Variants in NCAM1 observed in about 807,000 individuals in gnomAD.
The protein encoded by NCAM1 is antigen recognized by monoclonal antibody 5.1H11.
Under a neutral mutation model 109.8 loss-of-function variants are expected in NCAM1, and 14 were observed. That is an observed-to-expected ratio of 0.13 (90% CI 0.08 to 0.20). The LOEUF is 0.20. NCAM1 is among the 10% of genes least tolerant of loss of function. The pLI, the probability that NCAM1 is intolerant of heterozygous loss-of-function variation, is 1.00. For missense variants in NCAM1, 774 were observed against 1,109.9 expected, an observed-to-expected ratio of 0.70 and a Z score of 4.30; for synonymous variants, 418 against 442.9, an observed-to-expected ratio of 0.94 and a Z score of 0.70.
intron 1 of NCAM1, among the ~76,000 whole-genome samples, chr11:113,167,659 A>G (rs908607976): frequency 2.6e-5 from 4 of 152,094 alleles, no homozygotes; most frequent in Non-Finnish European, 2.9e-5. Context: ...AGAAGTCTGC[A>G]GAAGGCTCCC....
intron 1 of NCAM1, among the ~76,000 whole-genome samples, chr11:112,985,857 AGTTTAACTTCTTCCTTTCAGATTTGGAT>A (rs1320644104): frequency 2.0e-5 from 3 of 152,116 alleles, no homozygotes; most frequent in African/African-American, 7.2e-5. Flanking sequence ...AAATAGTAAC[AGTTTAACTTCTTCCTTTCAGATTTGGAT>A]GTCTTTTATT....
intron 1 of NCAM1, among the ~76,000 whole-genome samples, chr11:113,123,055 A>C (rs1941032837): frequency 6.6e-6 from 1 of 152,184 alleles, no homozygotes; most frequent in East Asian, 1.9e-4. Context: ...GAGGCAGGGA[A>C]GGGTGTGTGT....
At chr11:113,236,001 G>A (rs1031433207) in intron 14 of NCAM1, among the ~76,000 whole-genome samples, 24 of 152,062 alleles carry the variant, frequency 1.6e-4, no homozygotes, top group Non-Finnish European at 3.4e-4. Context: ...AGTTCCCTGG[G>A]CTCTCTGACC....
intron 1 of NCAM1, among the ~76,000 whole-genome samples, chr11:112,968,884 CTCA>C (rs1950797262): frequency 6.6e-6 from 1 of 152,160 alleles, no homozygotes; most frequent in Non-Finnish European, 1.5e-5. Flanking sequence ...AATTCCTTAA[CTCA>C]ACAAACCTTT....
chr11:113,107,617 A>T (rs573572486), intron 1 of NCAM1, among the ~76,000 whole-genome samples: 1 of 152,186 alleles, frequency 6.6e-6, no homozygotes, highest in African/African-American at 2.4e-5. Context: ...GAGAACCAAG[A>T]GAAAGGGGTT....
At chr11:113,048,042 A>G (rs1348753510) in intron 1 of NCAM1, among the ~76,000 whole-genome samples, 1 of 152,104 alleles carries the variant, frequency 6.6e-6, no homozygotes, top group African/African-American at 2.4e-5. Context: ...TCTGCTTGCA[A>G]TGAATCTCTC....
intron 1 of NCAM1, among the ~76,000 whole-genome samples, chr11:113,020,666 G>A (rs797026493): frequency 4.6e-5 from 7 of 152,098 alleles, no homozygotes; most frequent in Non-Finnish European, 8.8e-5. Context: ...TGATGAAACC[G>A]TTCTTAGAAT....
chr11:113,272,177 ATC>A (rs1946297431), intron 19 of NCAM1, among the ~76,000 whole-genome samples: 1 of 152,046 alleles, frequency 6.6e-6, no homozygotes, highest in Non-Finnish European at 1.5e-5. Context: ...AGGTGGCAAA[ATC>A]TCACTGAAAG....
At chr11:113,025,661 T>C (rs1555077082) in intron 1 of NCAM1, among the ~76,000 whole-genome samples, 1 of 150,240 alleles carries the variant, frequency 6.7e-6, no homozygotes, top group Non-Finnish European at 1.5e-5. Flanking sequence ...GAGGCTGCAG[T>C]GAGCCAAGAT....
At chr11:113,207,009 A>G (rs1944257661) in intron 5 of NCAM1, among the ~76,000 whole-genome samples, 1 of 152,268 alleles carries the variant, frequency 6.6e-6, no homozygotes, top group African/African-American at 2.4e-5. Context: ...CCATCTTAAC[A>G]TGCATAAAAT....
intron 9 of NCAM1, chr11:113,221,998 A>G (rs1944706136): frequency 6.6e-6 from 1 of 152,210 alleles, no homozygotes; most frequent in African/African-American, 2.4e-5. Context: ...ATAATGTGGG[A>G]CTTAGTTTGA....
intron 1 of NCAM1, among the ~76,000 whole-genome samples, chr11:113,044,234 A>G (rs1175963096): frequency 3.3e-5 from 5 of 152,136 alleles, no homozygotes; most frequent in Non-Finnish European, 7.4e-5. Flanking sequence ...TCTTCTGGGC[A>G]TGGCAGCATA....
At chr11:113,008,883 G>T (rs1345805454) in intron 1 of NCAM1, among the ~76,000 whole-genome samples, 4 of 152,182 alleles carry the variant, frequency 2.6e-5, no homozygotes, top group Non-Finnish European at 5.9e-5. Context: ...TCTGGGCTCA[G>T]TATGGCCCAC....
chr11:113,030,317 T>G (rs1274683540), intron 1 of NCAM1, among the ~76,000 whole-genome samples: 1 of 152,200 alleles, frequency 6.6e-6, no homozygotes, highest in African/African-American at 2.4e-5. Flanking sequence ...CTCTCTTCTC[T>G]AAAAGATGAA....
chr11:113,267,368 ATAGTAGT>A (rs1380025556), intron 17 of NCAM1, among the ~76,000 whole-genome samples: 5 of 151,934 alleles, frequency 3.3e-5, no homozygotes, highest in Non-Finnish European at 5.9e-5. Flanking sequence ...AAAGTGGCAG[ATAGTAGT>A]TAGAAGAGAA....
At chr11:113,158,815 G>T (rs1033894541) in intron 1 of NCAM1, among the ~76,000 whole-genome samples, 4 of 152,188 alleles carry the variant, frequency 2.6e-5, no homozygotes, top group Non-Finnish European at 4.4e-5. Context: ...TATTTATTGG[G>T]TTAAGTAGGG....
At chr11:113,217,258 G>C (rs1381630227) in intron 8 of NCAM1, among the ~76,000 whole-genome samples, 4 of 152,146 alleles carry the variant, frequency 2.6e-5, no homozygotes, top group Non-Finnish European at 4.4e-5. Context: ...CTCTGCAGGG[G>C]AGTTGGCCAA....
chr11:113,219,916 C>T (rs1043743078), intron 8 of NCAM1, among the ~76,000 whole-genome samples: 8 of 152,184 alleles, frequency 5.3e-5, no homozygotes, highest in African/African-American at 1.9e-4. Flanking sequence ...TCTTCATTCC[C>T]ACATCATGTG....
At chr11:113,226,573 A>C (rs985695868) in intron 9 of NCAM1, among the ~76,000 whole-genome samples, 4 of 152,240 alleles carry the variant, frequency 2.6e-5, no homozygotes, top group Non-Finnish European at 4.4e-5. Flanking sequence ...CCCTGCACCA[A>C]GTGGAGCTAA....
Sources: gnomAD v4.1 joint callset for allele counts (sites outside exome capture counted in the v4.1 genomes callset) on GRCh38, gnomAD v4.1.1 for gene constraint, MANE v1.5 for transcripts, NCBI Gene and HGNC (gene_info 2026-07-23, HGNC 2026-07-21) for gene names.